Variants in SCGB2B2 observed in about 807,000 individuals in gnomAD.
SCGB2B2 encodes secretoglobin-like protein.
Under a neutral mutation model 7.6 loss-of-function variants are expected in SCGB2B2, and 11 were observed. The ratio of observed to expected loss-of-function variants is 1.45; its 90% CI spans 0.91 to 2.40. The LOEUF is 2.40. Among genes scored for constraint, SCGB2B2 ranks in the 30% most tolerant of loss-of-function variants. The pLI is 0.00. For missense variants in SCGB2B2, 104 were observed against 115.4 expected, an observed-to-expected ratio of 0.90 and a Z score of 0.45; for synonymous variants, 50 against 48.6, an observed-to-expected ratio of 1.03 and a Z score of -0.12.
At chr19:34,589,207 G>A (rs982307729), downstream of SCGB2B2, among the ~76,000 whole-genome samples, 1 of 152,184 alleles carries the variant, frequency 6.6e-6, no homozygotes, top group Non-Finnish European at 1.5e-5. Context: ...GTGACCTTGT[G>A]AGGTGGCTCT....
chr19:34,599,159 A>C (rs1270257), intron 1 of SCGB2B2, among the ~76,000 whole-genome samples: 94,689 of 152,178 alleles, frequency 0.62, 31,808 homozygotes, highest in African/African-American at 0.88. Flanking sequence ...CAGGTTTTTG[A>C]GAGATGAGGC....
intron 1 of SCGB2B2, chr19:34,638,380 T>C (rs1442304896): frequency 2.0e-5 from 3 of 151,780 alleles, no homozygotes; most frequent in African/African-American, 7.3e-5. Flanking sequence ...GAGGTGAAGG[T>C]TGCAGTGAGC....
chr19:34,594,381 A>G, intron 2 of SCGB2B2, 22 bp from the exon 3 acceptor site: 1 of 1,611,488 alleles, frequency 6.2e-7, no homozygotes, highest in Non-Finnish European at 8.5e-7. Flanking sequence ...GAGGTGAGAT[A>G]AGAAAACAGA....
At chr19:34,652,027 G>C (rs1328027171) in intron 1 of SCGB2B2, among the ~76,000 whole-genome samples, 8 of 151,106 alleles carry the variant, frequency 5.3e-5, no homozygotes, top group Non-Finnish European at 1.2e-4. Flanking sequence ...ATTTACTGGT[G>C]AATGGACAGT....
intron 1 of SCGB2B2, among the ~76,000 whole-genome samples, chr19:34,662,541 A>G (rs1304509480): frequency 5.9e-5 from 9 of 152,256 alleles, no homozygotes; most frequent in Non-Finnish European, 1.0e-4. Flanking sequence ...CATGAAGCAT[A>G]AAGTATAACA....
At chr19:34,615,529 C>T (rs571877351) in intron 1 of SCGB2B2, among the ~76,000 whole-genome samples, 1 of 151,138 alleles carries the variant, frequency 6.6e-6, no homozygotes, top group South Asian at 2.1e-4. Context: ...TTCCTGTACT[C>T]TCCTTCAAGT....
intron 1 of SCGB2B2, among the ~76,000 whole-genome samples, chr19:34,605,967 T>A (rs2065764701): frequency 6.6e-6 from 1 of 152,122 alleles, no homozygotes; most frequent in Admixed American, 6.5e-5. Context: ...TTACTGGAAA[T>A]AAGATTACCC....
intron 1 of SCGB2B2, among the ~76,000 whole-genome samples, chr19:34,659,447 A>G (rs151181991): frequency 0.11 from 16,838 of 152,278 alleles, 979 homozygotes; most frequent in East Asian, 0.22. Flanking sequence ...AAGTCTCAGG[A>G]TACAAAATCA....
intron 1 of SCGB2B2, among the ~76,000 whole-genome samples, chr19:34,602,864 G>C (rs752279444): frequency 2.6e-5 from 4 of 152,024 alleles, no homozygotes; most frequent in Admixed American, 1.3e-4. Flanking sequence ...ACTCTCCTCA[G>C]GTGTCCCATG....
chr19:34,611,680 C>T (rs1434318791), intron 1 of SCGB2B2, among the ~76,000 whole-genome samples: 12 of 149,080 alleles, frequency 8.0e-5, no homozygotes, highest in Non-Finnish European at 1.8e-4. Context: ...GATGAAGTCT[C>T]GCAGTGTTGC....
chr19:34,624,008 G>GA (rs2066305170), intron 1 of SCGB2B2, among the ~76,000 whole-genome samples: 1 of 152,156 alleles, frequency 6.6e-6, no homozygotes, highest in African/African-American at 2.4e-5. Context: ...GATGCAGGAG[G>GA]AAAAAGAGTT....
intron 1 of SCGB2B2, among the ~76,000 whole-genome samples, chr19:34,597,312 C>T (rs567384049): frequency 6.6e-6 from 1 of 152,288 alleles, no homozygotes; most frequent in African/African-American, 2.4e-5. Flanking sequence ...TCCTCACCTG[C>T]ATGACATGAC....
At position 34,675,941 on chromosome 19, in the gene SCGB2B2, C is replaced by A; in HGVS notation, c.-2343G>T. ...TGGCTTCAAGAGTGAAGCTGCAGAC[C>A]TTCAGGGTGAGTGTTGCAGCTCATA... On this transcript the variant is annotated 5_prime_UTR_variant, in exon 1 of 4. In the 5' UTR this introduces an upstream ATG that the reference lacks. Transcript: ENST00000601241. 1 of 152,532 alleles carries A rather than the reference C, an allele frequency of 6.6e-6. No homozygotes were observed. Among genetic ancestry groups the A allele is most frequent in the Non-Finnish European group, 1.5e-5 (1 of 68,246 alleles). The allele number at this position is 152,532 out of a possible 1,614,324, so 9.4% of individuals were successfully genotyped here.
chr19:34,647,996 G>A (rs2067067121), intron 1 of SCGB2B2, among the ~76,000 whole-genome samples: 1 of 152,208 alleles, frequency 6.6e-6, no homozygotes. Context: ...AGTGTACCTG[G>A]AACAAGGGGC....
rs1028136257 is a variant in SCGB2B2, at chr19:34,651,971, T to C, written c.-2032+23659A>G. 2.0e-5 allele frequency among the ~76,000 whole-genome samples: 3 copies of C among 150,990 alleles called. No homozygotes were observed. The South Asian group carries it at 6.2e-4, about 31-fold the overall frequency. On this transcript the variant is annotated intron_variant, in intron 1 of 3. Coordinates refer to ENST00000601241, the MANE Select transcript of SCGB2B2 (RefSeq NM_001025591.4). ...ACTAAATAGATAACTCAGAAACACA[T>C]CCAGCTGTTTACAACCAAGTGATTT... is the stretch of plus-strand genomic sequence containing the variant.
At chr19:34,666,296 C>T (rs1427106769) in intron 1 of SCGB2B2, among the ~76,000 whole-genome samples, 3 of 152,078 alleles carry the variant, frequency 2.0e-5, no homozygotes, top group African/African-American at 4.8e-5. Context: ...TAATCACAGA[C>T]GCTTGTCCCA....
At chr19:34,675,080 A>C (rs1391607987) in intron 1 of SCGB2B2, among the ~76,000 whole-genome samples, 7 of 152,228 alleles carry the variant, frequency 4.6e-5, no homozygotes, top group Non-Finnish European at 8.8e-5. Flanking sequence ...ATTAACAATT[A>C]AAAAATGCAA....
intron 1 of SCGB2B2, among the ~76,000 whole-genome samples, chr19:34,664,236 G>A (rs561651236): frequency 2.0e-5 from 3 of 152,338 alleles, no homozygotes; most frequent in Admixed American, 6.5e-5. Flanking sequence ...CAGGGCCAAC[G>A]GTCCCTGGCA....
chr19:34,648,116 C>T (rs552947537), intron 1 of SCGB2B2, among the ~76,000 whole-genome samples: 9 of 152,274 alleles, frequency 5.9e-5, no homozygotes, highest in Admixed American at 1.3e-4. Context: ...CGGAATCCCA[C>T]ACTGGCCTGG....
Sources: allele counts gnomAD v4.1 joint callset (sites outside exome capture counted in the v4.1 genomes callset), GRCh38; gene constraint gnomAD v4.1.1; transcripts MANE v1.5; gene names NCBI Gene and HGNC (gene_info 2026-07-23, HGNC 2026-07-21).